The following NPAS2 variants were observed in gnomAD, a reference collection of about 807,000 sequenced individuals.
The protein encoded by NPAS2 is neuronal PAS domain-containing protein 2.
Under a neutral mutation model 107.5 loss-of-function variants are expected in NPAS2, and 23 were observed. That is an observed-to-expected ratio of 0.21 (90% CI 0.15 to 0.30). The LOEUF is 0.30. Ranked by LOEUF, NPAS2 falls within the 10% of genes least tolerant of loss-of-function variation. The pLI, the probability that NPAS2 is intolerant of heterozygous loss-of-function variation, is 1.00. For missense variants in NPAS2, 756 were observed against 1,043.3 expected, an observed-to-expected ratio of 0.72 and a Z score of 3.79; for synonymous variants, 403 against 417.5, an observed-to-expected ratio of 0.97 and a Z score of 0.42.
chr2:100,882,193 G>A (rs1350988480), intron 1 of NPAS2, among the ~76,000 whole-genome samples: 1 of 152,178 alleles, frequency 6.6e-6, no homozygotes, highest in Admixed American at 6.5e-5. Context: ...ACATCTTAAC[G>A]TCACTATAGC....
chr2:100,884,889 A>G (rs1185867958), intron 1 of NPAS2, among the ~76,000 whole-genome samples: 3 of 152,062 alleles, frequency 2.0e-5, no homozygotes, highest in East Asian at 1.9e-4. Flanking sequence ...TTTTTTTAAT[A>G]TATAAAGAGA....
At chr2:100,871,434 G>A (rs758526048) in intron 1 of NPAS2, among the ~76,000 whole-genome samples, 1 of 150,586 alleles carries the variant, frequency 6.6e-6, no homozygotes, top group Non-Finnish European at 1.5e-5. Flanking sequence ...AGATTCAAGC[G>A]ATTCTTGCAC....
At chr2:100,936,152 G>A (rs1217998972) in intron 4 of NPAS2, among the ~76,000 whole-genome samples, 2 of 152,160 alleles carry the variant, frequency 1.3e-5, no homozygotes, top group African/African-American at 4.8e-5. Flanking sequence ...TGAGTCTAGT[G>A]TTAATTTTCC....
At chr2:100,919,554 C>A (rs1050624668) in intron 2 of NPAS2, among the ~76,000 whole-genome samples, 1 of 152,188 alleles carries the variant, frequency 6.6e-6, no homozygotes, top group African/African-American at 2.4e-5. Flanking sequence ...ACGGACCCTT[C>A]CTGTCTCTAC....
At chr2:100,846,598 A>G (rs1677793932) in intron 1 of NPAS2, among the ~76,000 whole-genome samples, 1 of 152,236 alleles carries the variant, frequency 6.6e-6, no homozygotes, top group South Asian at 2.1e-4. Context: ...CACTGAAAGA[A>G]CAATTATTCA....
intron 2 of NPAS2, among the ~76,000 whole-genome samples, chr2:100,915,422 G>A (rs1266701331): frequency 2.6e-5 from 4 of 152,164 alleles, no homozygotes; most frequent in Non-Finnish European, 4.4e-5. Flanking sequence ...AGAGGGAGGT[G>A]CTCAGGAAAG....
At chr2:100,822,550 A>G (rs1203865947) in intron 1 of NPAS2, 1 of 152,242 alleles carries the variant, frequency 6.6e-6, no homozygotes, top group African/African-American at 2.4e-5. Flanking sequence ...TTATTAGATT[A>G]AAAACTGAAA....
chr2:100,965,923 G>T lies in NPAS2; in HGVS notation c.907+157G>T, dbSNP rs528148998. Among the ~76,000 whole-genome samples, 1 of 152,276 alleles carries T rather than the reference G, an allele frequency of 6.6e-6. No individual in the cohort carries two copies. Among genetic ancestry groups the T allele is most frequent in the South Asian group, 2.1e-4 (1 of 4,822 alleles). Reference sequence around the variant, plus strand: ...CTCTGAGATGATCTGGGGGCATGGTGGAGGCCCCTTATCCGCGTCTACCCC... The same window carrying T: ...CTCTGAGATGATCTGGGGGCATGGTTGAGGCCCCTTATCCGCGTCTACCCC... On this transcript the variant is annotated intron_variant, in intron 10 of 20. Transcript: ENST00000335681. The surrounding 1 kb of genome is among the most constrained non-coding windows in gnomAD (Gnocchi z 4.3).
intron 1 of NPAS2, among the ~76,000 whole-genome samples, chr2:100,866,841 A>G (rs762888747): frequency 3.3e-5 from 5 of 152,198 alleles, no homozygotes; most frequent in African/African-American, 9.7e-5. Context: ...TAGGTTCTCA[A>G]TGGTCATTTT....
chr2:100,919,100 T>C (rs764386283), intron 2 of NPAS2, among the ~76,000 whole-genome samples: 150 of 152,290 alleles, frequency 9.8e-4, no homozygotes, highest in Middle Eastern at 3.4e-3. Context: ...TGAATAAATC[T>C]CAAAGGCATT....
chr2:100,971,273 C>T (rs899361327), intron 12 of NPAS2, among the ~76,000 whole-genome samples, 199 bp downstream of exon 12: 7 of 131,270 alleles, frequency 5.3e-5, no homozygotes, highest in South Asian at 2.4e-4. Flanking sequence ...TACTCCAGCC[C>T]GGATGACAGA....
chr2:100,851,711 G>A (rs1400504124), intron 1 of NPAS2, among the ~76,000 whole-genome samples: 1 of 152,188 alleles, frequency 6.6e-6, no homozygotes, highest in Non-Finnish European at 1.5e-5. Context: ...TATATCTACA[G>A]CATGATCTCA....
At chr2:100,917,333 C>T (rs1054790247) in intron 2 of NPAS2, among the ~76,000 whole-genome samples, 1 of 152,034 alleles carries the variant, frequency 6.6e-6, no homozygotes, top group Non-Finnish European at 1.5e-5. Context: ...TCAAGACCAG[C>T]CTGATCAACA....
intron 1 of NPAS2, among the ~76,000 whole-genome samples, chr2:100,900,739 G>A (rs922521647): frequency 6.6e-6 from 1 of 152,154 alleles, no homozygotes; most frequent in African/African-American, 2.4e-5. Flanking sequence ...TTGAAACTCT[G>A]CAAATATCCT....
At chr2:100,836,039 A>G (rs72627418) in intron 1 of NPAS2, among the ~76,000 whole-genome samples, 9,095 of 152,258 alleles carry the variant, frequency 0.06, 522 homozygotes, top group East Asian at 0.31. Context: ...AGGGCAGTTC[A>G]GAGCATCCTA....
intron 17 of NPAS2, chr2:100,988,553 C>T: frequency 2.2e-6 from 1 of 449,160 alleles, no homozygotes; most frequent in South Asian, 2.5e-5. Flanking sequence ...GAAATGTTCA[C>T]CTTTGATGCT....
rs1675093380 is a variant in NPAS2 at position 100,949,420 on chromosome 2, A to G, written c.538A>G (p.Lys180Glu). The G allele has an allele frequency of 6.2e-7, 1 of 1,613,766 alleles. No individual in the cohort carries two copies. The highest frequency in any genetic ancestry group is 1.1e-5 in the South Asian group (1 of 91,078). The change falls in exon 7 of 21, where the codon AAG becomes GAG. Residue 180 changes from lysine (K) to glutamate (E), a missense_variant. Physicochemically the swap from Lys to Glu is moderately conservative, Grantham distance 56. Coordinates refer to ENST00000335681, the MANE Select transcript of NPAS2 (RefSeq NM_002518.4). ...TCTTCTCAGAGGCAGCTTGAACCCA[A>G]AGGAATTTCCAACTTATGAATACAT... ...CHLLRGSLNP[K>E]EFPTYEYIKF...
At chr2:100,854,809 G>A (rs1227047435) in intron 1 of NPAS2, among the ~76,000 whole-genome samples, 2 of 152,216 alleles carry the variant, frequency 1.3e-5, no homozygotes, top group Non-Finnish European at 2.9e-5. Context: ...TTCGTTTGGT[G>A]ATACCCATTG....
Position 100,975,463 on chromosome 2 carries a change from C to T in NPAS2, c.1288C>T (p.Pro430Ser), listed in dbSNP as rs918684209. Residue 430 changes from proline (P) to serine (S), a missense_variant, in exon 14 of 21, where the codon CCC (proline) becomes TCC (serine). Physicochemically the swap from Pro to Ser is moderately conservative, Grantham distance 74. Coordinates refer to ENST00000335681, the MANE Select transcript of NPAS2 (RefSeq NM_002518.4). ...CATTCGTTGCTTTCTTACAGCCACT[C>T]CCACCAAGCTGATGGCAGAGGCCAG... ...HTAMSEPTST[P>S]TKLMAEASTP... 1.9e-6 allele frequency: 3 copies of T among 1,612,060 alleles called. No homozygotes were observed. Among genetic ancestry groups the T allele is most frequent in the Admixed American group, 3.3e-5 (2 of 59,764 alleles).
Sources: allele counts gnomAD v4.1 joint callset (sites outside exome capture counted in the v4.1 genomes callset), GRCh38; gene constraint gnomAD v4.1.1; non-coding constraint Gnocchi (gnomAD v3.1); transcripts MANE v1.5; gene names NCBI Gene and HGNC (gene_info 2026-07-23, HGNC 2026-07-21).